Variants in PALLD observed in about 807,000 individuals in gnomAD.
PALLD encodes palladin.
In PALLD, 61 loss-of-function variants were observed where a neutral mutation model predicts 123.5. That is an observed-to-expected ratio of 0.49 (90% CI 0.40 to 0.61). PALLD has a LOEUF of 0.61. Ranked by LOEUF, PALLD falls within the 20% of genes least tolerant of loss-of-function variation. The pLI is 0.00. For synonymous variants in PALLD, 465 were observed against 496.4 expected, an observed-to-expected ratio of 0.94 and a Z score of 0.84; for missense variants, 1,273 against 1,377.0, an observed-to-expected ratio of 0.92 and a Z score of 1.20.
chr4:168,712,156 T>A, intron 10 of PALLD: 1 of 579,882 alleles, frequency 1.7e-6, no homozygotes, highest in East Asian at 3.0e-5. Context: ...TGGTTATGGC[T>A]GTGAAAATAT....
intron 11 of PALLD, among the ~76,000 whole-genome samples, chr4:168,891,993 GA>G (rs1581937782): frequency 6.6e-6 from 1 of 151,934 alleles, no homozygotes; most frequent in Admixed American, 6.6e-5. Context: ...TAAACTGTAG[GA>G]AAAAATAATT....
At chr4:168,730,591 A>G (rs1026880038) in intron 10 of PALLD, among the ~76,000 whole-genome samples, 2 of 152,224 alleles carry the variant, frequency 1.3e-5, no homozygotes, top group African/African-American at 2.4e-5. Context: ...ATTGGAAACT[A>G]TATGCTTAGC....
chr4:168,925,498 C>T (rs1762400071), intron 21 of PALLD: 17 of 541,376 alleles, frequency 3.1e-5, no homozygotes, highest in Middle Eastern at 4.7e-4. Context: ...GCACTCTAAA[C>T]GTGTGTTCCA....
intron 2 of PALLD, among the ~76,000 whole-genome samples, chr4:168,600,093 A>G (rs1772465563): frequency 1.7e-5 from 2 of 117,346 alleles, no homozygotes; most frequent in East Asian, 3.1e-4. Flanking sequence ...ATATACATGC[A>G]TGTGTATGCA....
intron 10 of PALLD, among the ~76,000 whole-genome samples, chr4:168,884,954 C>T (rs1753132963): frequency 6.6e-6 from 1 of 152,186 alleles, no homozygotes; most frequent in Non-Finnish European, 1.5e-5. Flanking sequence ...TGTTAATACC[C>T]ACATTTTACA....
At chr4:168,573,718 G>A (rs1206790637) in intron 2 of PALLD, among the ~76,000 whole-genome samples, 2 of 152,052 alleles carry the variant, frequency 1.3e-5, no homozygotes. Context: ...GCTTCTAGGA[G>A]GCCCTCTTTC....
At chr4:168,548,805 T>C (rs1372798474) in intron 2 of PALLD, among the ~76,000 whole-genome samples, 2 of 152,238 alleles carry the variant, frequency 1.3e-5, no homozygotes, top group African/African-American at 2.4e-5. Flanking sequence ...ATGATTTTAT[T>C]CTTGAAATTA....
intron 10 of PALLD, among the ~76,000 whole-genome samples, chr4:168,758,977 C>T (rs1732290933): frequency 6.6e-6 from 1 of 151,256 alleles, no homozygotes; most frequent in South Asian, 2.1e-4. Context: ...GAGTTCAAGA[C>T]CAGCCTGGCC....
At chr4:168,640,588 G>C (rs948048772) in intron 2 of PALLD, among the ~76,000 whole-genome samples, 31 of 152,236 alleles carry the variant, frequency 2.0e-4, no homozygotes, top group Non-Finnish European at 1.9e-4. Flanking sequence ...GGTAGATTCA[G>C]AGATAACTGA....
chr4:168,502,261 T>C (rs985744584), intron 1 of PALLD, among the ~76,000 whole-genome samples: 4 of 152,334 alleles, frequency 2.6e-5, no homozygotes, highest in Middle Eastern at 3.4e-3. Context: ...GAAAGAGTCA[T>C]CAAAGTTTAC....
At chr4:168,703,517 T>C (rs1205166060) in intron 8 of PALLD, among the ~76,000 whole-genome samples, 1 of 125,150 alleles carries the variant, frequency 8.0e-6, no homozygotes, top group East Asian at 2.5e-4. Context: ...TAGTTTACAG[T>C]CCCACCAACA....
At chr4:168,836,930 G>A (rs1026099375) in intron 10 of PALLD, among the ~76,000 whole-genome samples, 4 of 152,116 alleles carry the variant, frequency 2.6e-5, no homozygotes, top group Non-Finnish European at 5.9e-5. Flanking sequence ...ATATAACATG[G>A]TTTTTGTGGG....
chr4:168,674,677 G>A (rs964864191), intron 3 of PALLD, among the ~76,000 whole-genome samples: 1 of 152,200 alleles, frequency 6.6e-6, no homozygotes, highest in African/African-American at 2.4e-5. Context: ...AGCAAGAGGA[G>A]CTTGAGGAAT....
intron 10 of PALLD, among the ~76,000 whole-genome samples, chr4:168,788,208 T>C (rs1453429266): frequency 1.3e-5 from 2 of 148,644 alleles, no homozygotes; most frequent in East Asian, 4.0e-4. Context: ...CCAGGAATTT[T>C]CCAAAGTTCC....
chr4:168,717,509 C>T (rs1289215116), intron 10 of PALLD, among the ~76,000 whole-genome samples: 2 of 152,068 alleles, frequency 1.3e-5, no homozygotes, highest in African/African-American at 4.8e-5. Flanking sequence ...TGCCACCACC[C>T]CTGGCTAATT....
At chr4:168,835,047 A>C (rs555973347) in intron 10 of PALLD, among the ~76,000 whole-genome samples, 27 of 152,316 alleles carry the variant, frequency 1.8e-4, no homozygotes, top group African/African-American at 5.8e-4. Context: ...AGCGTGTTCC[A>C]ACAGTTCTTA....
At position 168,630,590 on chromosome 4, in the gene PALLD, C is replaced by A. The variant is rs1172384575; in HGVS notation, c.909-37600C>A. Among the ~76,000 whole-genome samples, 3 of 152,190 alleles carry A rather than the reference C, an allele frequency of 2.0e-5. No homozygotes were observed. In the East Asian group the frequency reaches 5.8e-4, roughly 29 times the overall value. ...CTACTATTGACCTCTCAAGATGATT[C>A]TATTTCCGGAACGCATTTTTTGATA... On this transcript the variant is annotated intron_variant, in intron 2 of 21. Coordinates refer to ENST00000505667, the MANE Select transcript of PALLD (RefSeq NM_001166108.2).
intron 10 of PALLD, among the ~76,000 whole-genome samples, chr4:168,762,698 T>A (rs2150452041): frequency 6.6e-6 from 1 of 152,310 alleles, no homozygotes; most frequent in African/African-American, 2.4e-5. Context: ...GGATTATAAA[T>A]CATTTTACTA....
At chr4:168,855,997 C>T (rs898166593) in intron 10 of PALLD, among the ~76,000 whole-genome samples, 2 of 152,224 alleles carry the variant, frequency 1.3e-5, no homozygotes, top group African/African-American at 4.8e-5. Flanking sequence ...AGCCCCTCCC[C>T]ACCTCCTTCT....
Sources: allele counts gnomAD v4.1 joint callset (sites outside exome capture counted in the v4.1 genomes callset), GRCh38; gene constraint gnomAD v4.1.1; transcripts MANE v1.5; gene names NCBI Gene and HGNC (gene_info 2026-07-23, HGNC 2026-07-21).